NFASC: variants seen among roughly 807,000 people sequenced by gnomAD.
NFASC encodes neurofascin homolog.
A neutral mutation model predicts 147.5 loss-of-function variants in NFASC; 43 were observed. The observed-to-expected ratio is 0.29, with a 90% CI of 0.23 to 0.38. The LOEUF (loss-of-function observed/expected upper bound fraction) is 0.38, where lower values mean the gene tolerates loss of function less well. Among genes scored for constraint, NFASC ranks in the 10% least tolerant of loss-of-function variants. NFASC has a pLI of 1.00. For missense variants in NFASC, 1,320 were observed against 1,689.0 expected (o/e 0.78, Z 3.83); for synonymous variants, 622 against 665.5 (o/e 0.93, Z 1.01).
chr1:204,877,052 ATATT>A (rs1427133221), intron 1 of NFASC, among the ~76,000 whole-genome samples: 7 of 98,708 alleles, frequency 7.1e-5, no homozygotes, highest in Admixed American at 1.3e-4. Context: ...TATATATAAT[ATATT>A]TATTTATATA....
At chr1:204,867,644 C>T (rs1437273359) in intron 1 of NFASC, among the ~76,000 whole-genome samples, 1 of 152,102 alleles carries the variant, frequency 6.6e-6, no homozygotes, top group Non-Finnish European at 1.5e-5. Context: ...TAGACTTATA[C>T]ATACACCAAC....
intron 1 of NFASC, among the ~76,000 whole-genome samples, chr1:204,895,553 G>T (rs549321268): frequency 1.1e-4 from 16 of 152,186 alleles, no homozygotes; most frequent in Non-Finnish European, 2.2e-4. Context: ...GACCATGTAT[G>T]TGGCTGGATT....
intron 8 of NFASC, among the ~76,000 whole-genome samples, chr1:204,962,791 G>C (rs2094747156): frequency 6.6e-6 from 1 of 152,118 alleles, no homozygotes; most frequent in African/African-American, 2.4e-5. Context: ...CTCCTCCTTT[G>C]GTAGTATATG....
At chr1:204,928,639 T>G (rs1485827518) in intron 2 of NFASC, among the ~76,000 whole-genome samples, 1 of 152,134 alleles carries the variant, frequency 6.6e-6, no homozygotes, top group Non-Finnish European at 1.5e-5. Context: ...GAAAAACAAC[T>G]TAAAGGTCCA....
chr1:204,927,810 G>C (rs6688381), intron 2 of NFASC, among the ~76,000 whole-genome samples: 6 of 152,112 alleles, frequency 3.9e-5, no homozygotes, highest in Non-Finnish European at 7.4e-5. Context: ...ACTTGGAGCC[G>C]GGAGGGGGTG....
intron 17 of NFASC, 66 bp downstream of exon 17, chr1:204,977,791 G>A: frequency 1.3e-6 from 2 of 1,487,044 alleles, no homozygotes; most frequent in Non-Finnish European, 1.9e-6. Context: ...TGGAGTCTGG[G>A]AGAAGGAAGC....
Position 204,968,939 on chromosome 1 carries a change from C to T in NFASC, c.960C>T (p.Asn320=). 1.2e-6 allele frequency: 2 copies of T among 1,613,802 alleles called. No homozygotes were observed. The highest frequency in any genetic ancestry group is 1.7e-6 in the Non-Finnish European group (2 of 1,179,962). The part of the protein sequence containing the change: ...DSGEYFCLAS[N]KMGSIRHTIS... ...GGGAGTATTTCTGCCTGGCCTCCAA[C>T]AAGATGGGCAGCATCCGGCACACGA... is the stretch of plus-strand genomic sequence containing the variant. The change falls in exon 10 of 30, where the codon AAC becomes AAT. Residue 320 remains asparagine, a synonymous_variant. Coordinates refer to ENST00000339876, the MANE Select transcript of NFASC (RefSeq NM_001005388.3). The surrounding 1 kb of genome is among the most constrained non-coding windows in gnomAD (Gnocchi z 5.4).
intron 17 of NFASC, among the ~76,000 whole-genome samples, chr1:204,978,039 G>C (rs2095441708): frequency 6.6e-6 from 1 of 152,206 alleles, no homozygotes; most frequent in South Asian, 2.1e-4. Context: ...CTGTTTGCAG[G>C]GAATGCGAAA....
Position 205,002,739 on chromosome 1 carries a change from A to G in NFASC, c.3280A>G (p.Thr1094Ala). Residue 1094 changes from threonine (T) to alanine (A), a missense_variant, in exon 27 of 30, where the codon ACC becomes GCC. Coordinates refer to ENST00000339876, the MANE Select transcript of NFASC (RefSeq NM_001005388.3). ...GISSTVITFM[T>A]STAYTNNQAD... ...CAGCAGTACCGTCATCACCTTTATG[A>G]CCAGTACAGGTGAGAGGGGACCTGG... 1 of 1,540,074 alleles carries G rather than the reference A, an allele frequency of 6.5e-7. No homozygotes were observed. The highest frequency in any genetic ancestry group is 1.2e-5 in the South Asian group (1 of 83,478).
intron 1 of NFASC, among the ~76,000 whole-genome samples, chr1:204,911,703 TGG>T (rs2087550851): frequency 4.6e-5 from 7 of 152,208 alleles, no homozygotes; most frequent in Admixed American, 4.6e-4. Flanking sequence ...TTTATTGAAT[TGG>T]TGTTAATTCT....
At chr1:204,991,358 G>GAGCCC in intron 24 of NFASC, 52 bp downstream of exon 24, 2 of 1,595,104 alleles carry the variant, frequency 1.3e-6, no homozygotes, top group Non-Finnish European at 1.7e-6. Flanking sequence ...AGCGCAGGCG[G>GAGCCC]AGCCCAGCCC....
At chr1:204,939,036 G>GTGTGT (rs56254708) in intron 2 of NFASC, among the ~76,000 whole-genome samples, 5 of 124,332 alleles carry the variant, frequency 4.0e-5, no homozygotes, top group African/African-American at 1.6e-4. Flanking sequence ...CTGTATGGAT[G>GTGTGT]GATGTGTGTG....
At chr1:204,970,544 G>A in intron 10 of NFASC, 72 bp from the exon 11 acceptor site, 2 of 1,578,790 alleles carry the variant, frequency 1.3e-6, no homozygotes, top group Non-Finnish European at 1.7e-6. Context: ...CATACTAGAG[G>A]GAGACTGCTT....
chr1:205,013,091 A>G (rs572621862), intron 29 of NFASC, among the ~76,000 whole-genome samples: 1 of 152,350 alleles, frequency 6.6e-6, no homozygotes. Context: ...CTGCTCCCCC[A>G]GGAGTCACTG....
chr1:204,843,658 TCCTTCCTC>T (rs1676124476), intron 1 of NFASC, among the ~76,000 whole-genome samples: 2 of 81,258 alleles, frequency 2.5e-5, no homozygotes, highest in Admixed American at 1.5e-4. Flanking sequence ...CTCCCTCCCT[TCCTTCCTC>T]CCTCCCTTCC....
At chr1:204,924,209 C>T (rs889524284) in intron 2 of NFASC, among the ~76,000 whole-genome samples, 2 of 152,176 alleles carry the variant, frequency 1.3e-5, no homozygotes, top group African/African-American at 2.4e-5. Context: ...TGTATTTTCA[C>T]ATCTCCTCCA....
intron 25 of NFASC, 94 bp downstream of exon 25, chr1:204,997,500 GGTCT>G: frequency 7.1e-7 from 1 of 1,404,990 alleles, no homozygotes. Context: ...GAGGAGGTGG[GGTCT>G]GGGGTGGTGT....
intron 2 of NFASC, among the ~76,000 whole-genome samples, chr1:204,930,169 A>G (rs1388835669): frequency 6.6e-6 from 1 of 152,108 alleles, no homozygotes; most frequent in Non-Finnish European, 1.5e-5. Flanking sequence ...GGGTGTCTGA[A>G]TCCCTCAATT....
intron 28 of NFASC, among the ~76,000 whole-genome samples, chr1:205,011,278 C>T (rs2096250090): frequency 1.3e-5 from 2 of 151,344 alleles, no homozygotes. Context: ...TCCCCATGCC[C>T]AAGTACCCAC....
Sources: allele counts gnomAD v4.1 joint callset (sites outside exome capture counted in the v4.1 genomes callset), GRCh38; gene constraint gnomAD v4.1.1; non-coding constraint Gnocchi (gnomAD v3.1); transcripts MANE v1.5; gene names NCBI Gene and HGNC (gene_info 2026-07-23, HGNC 2026-07-21).